The following APLF variants were observed in gnomAD, a reference collection of about 807,000 sequenced individuals.
APLF encodes aprataxin and PNK-like factor.
APLF carries 61 observed loss-of-function variants against 55.6 expected under a neutral mutation model. The ratio of observed to expected loss-of-function variants is 1.10; its 90% CI spans 0.89 to 1.36. APLF has a LOEUF of 1.36. APLF is among the 40% of genes most tolerant of loss of function. The probability of loss-of-function intolerance (pLI) is 0.00; values close to 1 mark genes in which losing one functional copy is unlikely to be tolerated. For synonymous variants in APLF, 207 were observed against 214.8 expected, an observed-to-expected ratio of 0.96 and a Z score of 0.32; for missense variants, 611 against 602.5, an observed-to-expected ratio of 1.01 and a Z score of -0.15.
At position 68,467,587 on chromosome 2, in the gene APLF, G is replaced by A. The variant is rs1039371183; in HGVS notation, c.-145G>A. Reference sequence around the variant, plus strand: ...AAGCTGCGCTGGGGCCGGGCTCTGAGAGGACCGGCGCAGCCGCGGGGAGCC... The same window carrying A: ...AAGCTGCGCTGGGGCCGGGCTCTGAAAGGACCGGCGCAGCCGCGGGGAGCC... On this transcript the variant is annotated 5_prime_UTR_variant, in exon 1 of 10. Coordinates refer to ENST00000303795, the MANE Select transcript of APLF (RefSeq NM_173545.3). 5 of 562,514 alleles carry A rather than the reference G, an allele frequency of 8.9e-6. No homozygotes were observed. Among genetic ancestry groups the A allele is most frequent in the African/African-American group, 7.8e-5 (4 of 51,528 alleles). 34.8% of individuals were successfully genotyped at this position (562,514 alleles called of 1,614,324 possible).
intron 1 of APLF, among the ~76,000 whole-genome samples, chr2:68,477,802 GC>G (rs1310946766): frequency 1.3e-5 from 2 of 152,162 alleles, no homozygotes; most frequent in Non-Finnish European, 2.9e-5. Flanking sequence ...ATGGCATCAG[GC>G]AAGAGAGCTT....
chr2:68,543,948 C>T (rs1396117056), intron 7 of APLF, among the ~76,000 whole-genome samples: 5 of 151,006 alleles, frequency 3.3e-5, no homozygotes, highest in East Asian at 3.9e-4. Context: ...CCCCAGAACA[C>T]GTTTAAGAAA....
chr2:68,551,687 T>A (rs972577720), intron 8 of APLF, among the ~76,000 whole-genome samples: 24 of 151,602 alleles, frequency 1.6e-4, no homozygotes, highest in East Asian at 1.4e-3. Context: ...TACTCTTTTT[T>A]AAAAAACATA....
rs182615496 is a variant in APLF, at chr2:68,534,036, G to A, written c.805-3836G>A. 1.7e-3 allele frequency among the ~76,000 whole-genome samples: 261 copies of A among 152,282 alleles called. 2 individuals are homozygous for A. The highest frequency in any genetic ancestry group is 2.6e-3 in the Non-Finnish European group (179 of 68,026). On this transcript the variant is annotated intron_variant, in intron 6 of 9. Coordinates refer to ENST00000303795, the MANE Select transcript of APLF (RefSeq NM_173545.3). Reference sequence around the variant, plus strand: ...TGAAGAAATAGAGAATCTAAACTAGGGCAGTGACTTTAAGGATGGTAAGAA... The same window carrying A: ...TGAAGAAATAGAGAATCTAAACTAGAGCAGTGACTTTAAGGATGGTAAGAA...
At chr2:68,483,868 G>C (rs1018471735) in intron 1 of APLF, among the ~76,000 whole-genome samples, 2 of 152,054 alleles carry the variant, frequency 1.3e-5, no homozygotes, top group Non-Finnish European at 2.9e-5. Context: ...TATTATACCT[G>C]TCTATGATGT....
chr2:68,516,978 ATAAT>A (rs1159206571), intron 5 of APLF, among the ~76,000 whole-genome samples: 3 of 125,320 alleles, frequency 2.4e-5, no homozygotes, highest in African/African-American at 9.4e-5. Context: ...ATAATATAAT[ATAAT>A]TATATATAAT....
At chr2:68,548,246 T>G (rs1366595087) in intron 8 of APLF, among the ~76,000 whole-genome samples, 3 of 151,884 alleles carry the variant, frequency 2.0e-5, no homozygotes, top group Non-Finnish European at 2.9e-5. Context: ...CATTTAATTA[T>G]TTGACTACAT....
At chr2:68,541,676 C>T (rs13002596) in intron 7 of APLF, among the ~76,000 whole-genome samples, 14,127 of 152,244 alleles carry the variant, frequency 0.093, 788 homozygotes, top group African/African-American at 0.14. Flanking sequence ...TATGCTGTCA[C>T]AGTGTGCAAG....
chr2:68,481,412 C>G (rs896402919), intron 1 of APLF, among the ~76,000 whole-genome samples: 1 of 151,970 alleles, frequency 6.6e-6, no homozygotes, highest in Non-Finnish European at 1.5e-5. Flanking sequence ...TTTTTCCTTT[C>G]AGCACTAAAC....
Position 68,579,181 on chromosome 2 carries a change from C to T in APLF, c.*1159C>T. ...CAAAACATATTTATAATAATATTTT[C>T]TCATTGCTTTAAAATATATCTCCCA... is the stretch of plus-strand genomic sequence containing the variant. On this transcript the variant is annotated 3_prime_UTR_variant, in exon 10 of 10. Transcript: ENST00000303795. 2.6e-6 allele frequency: 2 copies of T among 769,250 alleles called. No homozygotes were observed. The highest frequency in any genetic ancestry group is 3.2e-6 in the Non-Finnish European group (2 of 633,096). The allele number at this position is 769,250 out of a possible 1,614,324, so 47.7% of individuals were successfully genotyped here.
intron 8 of APLF, among the ~76,000 whole-genome samples, chr2:68,551,035 A>G (rs1670845635): frequency 6.6e-6 from 1 of 152,006 alleles, no homozygotes; most frequent in Admixed American, 6.6e-5. Context: ...CTTATAGTGA[A>G]GATCTACTAA....
At chr2:68,496,412 T>G (rs1039110790) in intron 2 of APLF, among the ~76,000 whole-genome samples, 2 of 152,164 alleles carry the variant, frequency 1.3e-5, no homozygotes, top group Admixed American at 1.3e-4. Flanking sequence ...GCCTGACTTT[T>G]TTTTTAGTTG....
At chr2:68,496,994 T>C (rs578153142) in intron 2 of APLF, among the ~76,000 whole-genome samples, 7 of 152,332 alleles carry the variant, frequency 4.6e-5, no homozygotes, top group Non-Finnish European at 8.8e-5. Flanking sequence ...TTCCACACTT[T>C]TACATATCTT....
chr2:68,510,364 A>G (rs1248487639), intron 3 of APLF, among the ~76,000 whole-genome samples: 2 of 151,886 alleles, frequency 1.3e-5, no homozygotes, highest in African/African-American at 2.4e-5. Flanking sequence ...TTTAAAATGC[A>G]TAACTGATTT....
At chr2:68,532,336 G>A (rs1670281233) in intron 6 of APLF, among the ~76,000 whole-genome samples, 1 of 152,190 alleles carries the variant, frequency 6.6e-6, no homozygotes. Context: ...AAAAGTAGGA[G>A]AATCAGTGGA....
In APLF at chr2:68,577,925, ATGAAGATTC is replaced by A; in HGVS notation, c.1443_1451del (p.Glu481_Ser483del). ...GAGGAAGAAGACTATGAGCCAACAGATGAAGATTCTGACTGGGAACCAGGAAAGGAAGAT... is the reference window on the plus strand; with the variant it reads ...GAGGAAGAAGACTATGAGCCAACAGATGACTGGGAACCAGGAAAGGAAGAT... On this transcript the variant is annotated inframe_deletion, in exon 10 of 10. Transcript: ENST00000303795. 6.2e-7 allele frequency: 1 copy of A among 1,613,708 alleles called. No individual in the cohort carries two copies. The highest frequency in any genetic ancestry group is 8.5e-7 in the Non-Finnish European group (1 of 1,179,764).
At chr2:68,514,365 A>G (rs1388730448) in intron 5 of APLF, among the ~76,000 whole-genome samples, 1 of 151,612 alleles carries the variant, frequency 6.6e-6, no homozygotes, top group Non-Finnish European at 1.5e-5. Context: ...TTTTCTATTG[A>G]TACTGGATAT....
At chr2:68,526,329 A>G (rs1670045096) in intron 6 of APLF, 87 bp downstream of exon 6, 1 of 1,474,570 alleles carries the variant, frequency 6.8e-7, no homozygotes, top group Non-Finnish European at 9.3e-7. Flanking sequence ...AGAGAAATCA[A>G]AACTGCCTTT....
Position 68,577,920 on chromosome 2 carries a change from A to C in APLF, c.1434A>C (p.Pro478=), listed in dbSNP as rs139802569. 3 of 1,613,614 alleles carry C rather than the reference A, an allele frequency of 1.9e-6. No homozygotes were observed. Among genetic ancestry groups the C allele is most frequent in the Non-Finnish European group, 2.5e-6 (3 of 1,179,768 alleles). The change falls in exon 10 of 10, where the codon CCA becomes CCC. Residue 478 remains proline, a synonymous_variant. Transcript: ENST00000303795. The stretch of plus-strand genomic sequence containing the variant: ...ATGATGAGGAAGAAGACTATGAGCC[A>C]ACAGATGAAGATTCTGACTGGGAAC... ...FLDDEEEDYE[P]TDEDSDWEPG...
Sources: gnomAD v4.1 joint callset for allele counts (sites outside exome capture counted in the v4.1 genomes callset) on GRCh38, gnomAD v4.1.1 for gene constraint, MANE v1.5 for transcripts, NCBI Gene and HGNC (gene_info 2026-07-23, HGNC 2026-07-21) for gene names.